The following UNC80 variants were observed in gnomAD, a reference collection of about 807,000 sequenced individuals.
UNC80 encodes protein unc-80 homolog.
UNC80 carries 164 observed loss-of-function variants against 384.6 expected under a neutral mutation model. The observed-to-expected ratio is 0.43, with a 90% CI of 0.38 to 0.49. The LOEUF (loss-of-function observed/expected upper bound fraction) is 0.49, where lower values mean the gene tolerates loss of function less well. Among genes scored for constraint, UNC80 ranks in the 20% least tolerant of loss-of-function variants. The pLI is 0.00. For synonymous variants in UNC80, 1,486 were observed against 1,527.8 expected (o/e 0.97, Z 0.64); for missense variants, 3,330 against 4,143.0 (o/e 0.80, Z 5.39).
At chr2:209,848,629 C>T (rs568642311) in intron 21 of UNC80, among the ~76,000 whole-genome samples, 13 of 152,086 alleles carry the variant, frequency 8.5e-5, no homozygotes, top group African/African-American at 1.4e-4. Flanking sequence ...TACTGACATA[C>T]GTCAATACGA....
In UNC80 at chr2:209,954,137, T is replaced by C; in HGVS notation, c.7324T>C (p.Cys2442Arg). 2.6e-6 allele frequency: 4 copies of C among 1,551,014 alleles called. No homozygotes were observed. The highest frequency in any genetic ancestry group is 3.5e-6 in the Non-Finnish European group (4 of 1,146,908). Reference sequence around the variant, plus strand: ...GATGGTCTTAGAAGCCTTAGTTCCATGTTACCTACAAAAGCTAAAGAGGCA... The same window carrying C: ...GATGGTCTTAGAAGCCTTAGTTCCACGTTACCTACAAAAGCTAAAGAGGCA... ...MLMVLEALVP[C>R]YLQKLKRQTS... The change falls in exon 48 of 65, where the codon TGT (cysteine) becomes CGT (arginine). Residue 2442 changes from cysteine (C) to arginine (R), a missense_variant. Cys to Arg is a radical substitution (Grantham distance 180, BLOSUM62 -3). Around this residue, in one of 8 missense-constraint regions of UNC80, gnomAD observed 1,049 missense variants for 1,488.6 expected, o/e 0.70. Transcript: ENST00000673920.
chr2:209,800,313 C>T (rs1162491113), intron 7 of UNC80, among the ~76,000 whole-genome samples: 2 of 152,092 alleles, frequency 1.3e-5, no homozygotes, highest in East Asian at 3.9e-4. Flanking sequence ...AGGAATTTAT[C>T]CCTTTCTTCT....
At chr2:209,851,597 A>G (rs1164510020) in intron 22 of UNC80, among the ~76,000 whole-genome samples, 1 of 152,098 alleles carries the variant, frequency 6.6e-6, no homozygotes, top group Non-Finnish European at 1.5e-5. Context: ...ACAAAACTCA[A>G]CTGGAGGGCT....
intron 27 of UNC80, among the ~76,000 whole-genome samples, chr2:209,895,805 C>G (rs2086748000): frequency 6.6e-6 from 1 of 152,178 alleles, no homozygotes; most frequent in South Asian, 2.1e-4. Flanking sequence ...GACATAATTG[C>G]TTCCAAATTT....
chr2:209,820,648 C>T lies in UNC80; in HGVS notation c.2300C>T (p.Pro767Leu), dbSNP rs1385585026. 3 of 1,544,244 alleles carry T rather than the reference C, an allele frequency of 1.9e-6. No individual in the cohort carries two copies. The highest frequency in any genetic ancestry group is 2.6e-6 in the Non-Finnish European group (3 of 1,143,862). ...GGGGGGGGGG[P>L]YEKNDKNQEK... Reference sequence around the variant, plus strand: ...GGAGGTGGAGGAGGTGGAGGCGGCCCTTATGAGAAGAATGATAAGAACCAA... The same window carrying T: ...GGAGGTGGAGGAGGTGGAGGCGGCCTTTATGAGAAGAATGATAAGAACCAA... The change falls in exon 13 of 65, where the codon CCT (proline) becomes CTT (leucine). Residue 767 changes from proline to leucine, a missense_variant. By Grantham distance (98) the Pro-to-Leu change is moderately conservative. Around this residue, in one of 8 missense-constraint regions of UNC80, gnomAD observed 937 missense variants for 1,026.8 expected, o/e 0.91. Coordinates refer to ENST00000673920, the MANE Select transcript of UNC80 (RefSeq NM_001371986.1).
chr2:209,982,524 A>C, intron 60 of UNC80: 1 of 475,844 alleles, frequency 2.1e-6, no homozygotes, highest in Non-Finnish European at 3.4e-6. Context: ...AGGGATCCCA[A>C]TTTCCAAGTA....
At chr2:209,806,863 T>C (rs548046897) in intron 7 of UNC80, among the ~76,000 whole-genome samples, 1 of 152,364 alleles carries the variant, frequency 6.6e-6, no homozygotes, top group South Asian at 2.1e-4. Context: ...CAGTAAATAC[T>C]GCATAGAGTC....
chr2:209,848,664 C>T (rs935761298), intron 21 of UNC80, among the ~76,000 whole-genome samples: 2 of 152,060 alleles, frequency 1.3e-5, no homozygotes, highest in Non-Finnish European at 2.9e-5. Flanking sequence ...AAGTTGTAGA[C>T]CAAGATTGGT....
intron 51 of UNC80, 74 bp downstream of exon 51, chr2:209,959,781 G>A: frequency 7.4e-7 from 1 of 1,354,960 alleles, no homozygotes; most frequent in East Asian, 2.5e-5. Flanking sequence ...GTGTTGGGTT[G>A]AGAGTGGGGG....
At chr2:209,917,586 C>T (rs1180707454) in intron 31 of UNC80, among the ~76,000 whole-genome samples, 191 bp from the exon 32 acceptor site, 1 of 152,210 alleles carries the variant, frequency 6.6e-6, no homozygotes, top group Non-Finnish European at 1.5e-5. Context: ...CATGTTGTTG[C>T]TGCCCTCGCA....
intron 28 of UNC80, among the ~76,000 whole-genome samples, chr2:209,901,928 CAA>C (rs113397197): frequency 3.8e-4 from 53 of 139,580 alleles, no homozygotes; most frequent in African/African-American, 4.8e-4. Flanking sequence ...GACTCTGTCT[CAA>C]AAAAAAAAAA....
rs1559185974 is a variant in UNC80 at position 209,844,481 on chromosome 2, TTCCTTCCTTCCTTCCTTCC to T, written c.3454+2037_3454+2055del. Among the ~76,000 whole-genome samples the T allele has an allele frequency of 6.2e-3, 389 of 62,744 alleles. 21 individuals are homozygous for T. The highest frequency in any genetic ancestry group is 0.053 in the East Asian group (141 of 2,652). The allele number at this position is 62,744 out of a possible 152,430, so 41.2% of individuals were successfully genotyped here. Reference sequence around the variant, plus strand: ...TTTCTTTCTTTCTTTCTTTCTTTCCTTCCTTCCTTCCTTCCTTCCTTCCTTCCTTCCTTCCTTCCTTCCT... The same window carrying T: ...TTTCTTTCTTTCTTTCTTTCTTTCCTTTCCTTCCTTCCTTCCTTCCTTCCT... On this transcript the variant is annotated intron_variant, in intron 21 of 64. Coordinates refer to ENST00000673920, the MANE Select transcript of UNC80 (RefSeq NM_001371986.1).
At chr2:209,973,532 A>G (rs2092936281) in intron 56 of UNC80, among the ~76,000 whole-genome samples, 1 of 152,218 alleles carries the variant, frequency 6.6e-6, no homozygotes, top group Non-Finnish European at 1.5e-5. Flanking sequence ...CATATGCCAA[A>G]AAACAACGTG....
chr2:209,855,720 T>C (rs1446797129), intron 22 of UNC80, among the ~76,000 whole-genome samples: 1 of 146,334 alleles, frequency 6.8e-6, no homozygotes, highest in Non-Finnish European at 1.5e-5. Flanking sequence ...TCATTTGTTT[T>C]GTCTGGTTTT....
Position 209,817,904 on chromosome 2 carries a change from G to A in UNC80, c.1645G>A (p.Asp549Asn), listed in dbSNP as rs763369889. Reference sequence around the variant, plus strand: ...CCACTCCCATCACACCCTGGTAAGCGACCTGCCGGACCCCTCCAACAGCCA... The same window carrying A: ...CCACTCCCATCACACCCTGGTAAGCAACCTGCCGGACCCCTCCAACAGCCA... ...HSHSHHTLVS[D>N]LPDPSNSHGE... Residue 549 changes from aspartate to asparagine, a missense_variant, in exon 11 of 65, where the codon GAC becomes AAC. Around this residue, in one of 8 missense-constraint regions of UNC80, gnomAD observed 937 missense variants for 1,026.8 expected, o/e 0.91. Transcript: ENST00000673920. 51 of 1,551,462 alleles carry A rather than the reference G, an allele frequency of 3.3e-5. 1 individual carries two copies. The South Asian group carries it at 4.4e-4, about 13-fold the overall frequency.
chr2:209,937,531 C>A lies in UNC80; in HGVS notation c.6366C>A (p.Thr2122=). ...GTCTCTTTATGTAATCCACACAGAC[C>A]TATGTTCGAGATATTTATCCTTTCC... The part of the protein sequence containing the change: ...KRWNLIHYNK[T]YVRDIYPFRR... Residue 2122 remains threonine, a splice_region_variant and synonymous_variant, in exon 42 of 65, where the codon ACC becomes ACA. Transcript: ENST00000673920. 1.9e-6 allele frequency: 3 copies of A among 1,548,806 alleles called. No homozygotes were observed. Among genetic ancestry groups the A allele is most frequent in the Non-Finnish European group, 2.6e-6 (3 of 1,144,412 alleles).
intron 61 of UNC80, among the ~76,000 whole-genome samples, chr2:209,991,875 T>C (rs950816069): frequency 6.6e-6 from 1 of 152,110 alleles, no homozygotes; most frequent in Non-Finnish European, 1.5e-5. Context: ...ATCTTATACC[T>C]TTTGGTGGCT....
At chr2:209,783,953 G>C (rs1470973322) in intron 4 of UNC80, among the ~76,000 whole-genome samples, 1 of 152,160 alleles carries the variant, frequency 6.6e-6, no homozygotes, top group Admixed American at 6.6e-5. Context: ...ACAGCTGTCT[G>C]TCTAAGTGCT....
intron 7 of UNC80, among the ~76,000 whole-genome samples, chr2:209,800,170 T>TGTGA (rs2078447454): frequency 6.6e-6 from 1 of 151,998 alleles, no homozygotes; most frequent in African/African-American, 2.4e-5. Context: ...TTCTGGCAGC[T>TGTGA]GTGAATCCAT....
Sources: allele counts gnomAD v4.1 joint callset (sites outside exome capture counted in the v4.1 genomes callset), GRCh38; gene constraint gnomAD v4.1.1; regional missense constraint gnomAD v4.1.1; transcripts MANE v1.5; gene names NCBI Gene and HGNC (gene_info 2026-07-23, HGNC 2026-07-21).